MICU1: variants seen among roughly 807,000 people sequenced by gnomAD.
MICU1 encodes calcium uptake protein 1, mitochondrial.
A neutral mutation model predicts 56.8 loss-of-function variants in MICU1; 45 were observed. That is an observed-to-expected ratio of 0.79 (90% CI 0.62 to 1.02). The LOEUF (loss-of-function observed/expected upper bound fraction) is 1.02, where lower values mean the gene tolerates loss of function less well. MICU1 is among the 50% of genes least tolerant of loss of function. The pLI is 0.00. For synonymous variants in MICU1, 186 were observed against 195.1 expected (o/e 0.95, Z 0.39); for missense variants, 504 against 587.1 (o/e 0.86, Z 1.46).
At chr10:72,607,853 G>T (rs761286230) in intron 1 of MICU1, among the ~76,000 whole-genome samples, 86 of 151,218 alleles carry the variant, frequency 5.7e-4, no homozygotes, top group Non-Finnish European at 8.4e-4. Flanking sequence ...ATTAACCTGT[G>T]GGGGGGGTCT....
At chr10:72,591,927 C>T (rs1328469119) in intron 1 of MICU1, among the ~76,000 whole-genome samples, 1 of 151,206 alleles carries the variant, frequency 6.6e-6, no homozygotes, top group Non-Finnish European at 1.5e-5. Context: ...AGGAGGATTG[C>T]TTGAACCCAA....
chr10:72,487,076 T>C (rs1192727056), intron 6 of MICU1, among the ~76,000 whole-genome samples: 1 of 152,120 alleles, frequency 6.6e-6, no homozygotes, highest in Non-Finnish European at 1.5e-5. Context: ...ATGGGGACAA[T>C]GCCCCAAGGA....
At chr10:72,552,835 T>C (rs1202100490) in intron 3 of MICU1, among the ~76,000 whole-genome samples, 1 of 152,234 alleles carries the variant, frequency 6.6e-6, no homozygotes, top group Non-Finnish European at 1.5e-5. Flanking sequence ...ATTACAGGCG[T>C]GAGCCACCAC....
intron 8 of MICU1, among the ~76,000 whole-genome samples, chr10:72,452,473 C>T (rs1865329173): frequency 6.6e-6 from 1 of 152,230 alleles, no homozygotes; most frequent in Admixed American, 6.5e-5. Context: ...TCTTCTGTCA[C>T]ATTCCAGCAG....
intron 1 of MICU1, among the ~76,000 whole-genome samples, chr10:72,572,392 T>C (rs1348808831): frequency 6.6e-6 from 1 of 152,188 alleles, no homozygotes; most frequent in Non-Finnish European, 1.5e-5. Flanking sequence ...AGATAAGTTA[T>C]GTGATTTCCT....
At chr10:72,488,511 A>G (rs1292528769) in intron 6 of MICU1, among the ~76,000 whole-genome samples, 1 of 152,214 alleles carries the variant, frequency 6.6e-6, no homozygotes, top group African/African-American at 2.4e-5. Flanking sequence ...AGAGAAAAAT[A>G]TTATATTATC....
At chr10:72,561,526 T>C (rs375756396) in intron 3 of MICU1, among the ~76,000 whole-genome samples, 1 of 152,264 alleles carries the variant, frequency 6.6e-6, no homozygotes, top group South Asian at 2.1e-4. Context: ...AATAATTTCA[T>C]CTAGGCTGGG....
At chr10:72,571,918 A>G (rs569285868) in intron 1 of MICU1, among the ~76,000 whole-genome samples, 2 of 152,246 alleles carry the variant, frequency 1.3e-5, no homozygotes, top group South Asian at 4.1e-4. Flanking sequence ...AGACATTGGT[A>G]TCAAACACAT....
At chr10:72,592,711 G>A (rs1841260678) in intron 1 of MICU1, among the ~76,000 whole-genome samples, 1 of 151,044 alleles carries the variant, frequency 6.6e-6, no homozygotes, top group Admixed American at 6.6e-5. Flanking sequence ...TTAACAGAAT[G>A]AAGAAAAATC....
intron 10 of MICU1, among the ~76,000 whole-genome samples, chr10:72,386,593 T>G (rs1862899919): frequency 6.7e-6 from 1 of 150,360 alleles, no homozygotes; most frequent in Non-Finnish European, 1.5e-5. Flanking sequence ...AGTGTCTCAT[T>G]CTGTCACCCC....
intron 5 of MICU1, among the ~76,000 whole-genome samples, chr10:72,526,389 G>A (rs551081287): frequency 2.6e-5 from 4 of 152,110 alleles, no homozygotes; most frequent in South Asian, 2.1e-4. Context: ...TCCGCCTCCC[G>A]GGTTCAAGTG....
At chr10:72,476,960 G>A (rs895487800) in intron 7 of MICU1, among the ~76,000 whole-genome samples, 6 of 152,062 alleles carry the variant, frequency 3.9e-5, no homozygotes, top group Admixed American at 6.6e-5. Context: ...TGACCTTAAC[G>A]GTATGTTCAA....
At chr10:72,572,743 G>A (rs2132489044) in intron 1 of MICU1, among the ~76,000 whole-genome samples, 1 of 152,146 alleles carries the variant, frequency 6.6e-6, no homozygotes, top group African/African-American at 2.4e-5. Flanking sequence ...ATAAAATAAT[G>A]CAAATTAAAC....
intron 8 of MICU1, among the ~76,000 whole-genome samples, chr10:72,458,518 C>T (rs1047252450): frequency 1.3e-5 from 2 of 152,058 alleles, no homozygotes; most frequent in African/African-American, 4.8e-5. Context: ...GGGATTAAAA[C>T]TCTGATCAAC....
At chr10:72,591,922 G>C (rs1328074031) in intron 1 of MICU1, among the ~76,000 whole-genome samples, 1 of 151,764 alleles carries the variant, frequency 6.6e-6, no homozygotes, top group Non-Finnish European at 1.5e-5. Context: ...GAGGCAGGAG[G>C]ATTGCTTGAA....
chr10:72,447,425 GAC>G (rs1396064246), intron 8 of MICU1, among the ~76,000 whole-genome samples: 5 of 152,046 alleles, frequency 3.3e-5, no homozygotes, highest in Admixed American at 1.3e-4. Context: ...TTATAGTCAT[GAC>G]AAAATTGTAT....
At chr10:72,583,806 A>T (rs765434941) in intron 1 of MICU1, among the ~76,000 whole-genome samples, 10 of 152,242 alleles carry the variant, frequency 6.6e-5, no homozygotes, top group Admixed American at 2.0e-4. Flanking sequence ...CATTGAAGAC[A>T]CTAGAATGAC....
At chr10:72,427,061 T>C (rs915101966) in intron 8 of MICU1, among the ~76,000 whole-genome samples, 2 of 152,244 alleles carry the variant, frequency 1.3e-5, no homozygotes, top group Non-Finnish European at 2.9e-5. Context: ...CTGTGTTTGA[T>C]TCTGAGGCAC....
In MICU1 at chr10:72,394,870, T is replaced by A. The variant is rs116983396; in HGVS notation, c.1180+13059A>T. ...ATGTATCTATCTGTTAACAGCCTAA[T>A]TTTTTTTCTTTTAGAAACCTAACTA... On this transcript the variant is annotated intron_variant, in intron 10 of 11. Coordinates refer to ENST00000361114, the MANE Select transcript of MICU1 (RefSeq NM_001195518.2). Among the ~76,000 whole-genome samples, 914 of 151,754 alleles carry A rather than the reference T, an allele frequency of 6.0e-3. 8 individuals carry two copies. The highest frequency in any genetic ancestry group is 0.034 in the East Asian group (172 of 5,090).
Sources: gnomAD v4.1 joint callset for allele counts (sites outside exome capture counted in the v4.1 genomes callset) on GRCh38, gnomAD v4.1.1 for gene constraint, MANE v1.5 for transcripts, NCBI Gene and HGNC (gene_info 2026-07-23, HGNC 2026-07-21) for gene names.